Variants in FAR1 observed in about 807,000 individuals in gnomAD.
FAR1 encodes male sterility domain-containing protein 2.
A neutral mutation model predicts 61.1 loss-of-function variants in FAR1; 22 were observed. The observed-to-expected ratio is 0.36, with a 90% confidence interval of 0.26 to 0.51. The LOEUF (loss-of-function observed/expected upper bound fraction) is 0.51, where lower values mean the gene tolerates loss of function less well. Ranked by LOEUF, FAR1 falls within the 20% of genes least tolerant of loss-of-function variation. FAR1 has a pLI of 0.95. For missense variants in FAR1, 359 were observed against 626.9 expected, an observed-to-expected ratio of 0.57 and a Z score of 4.56; for synonymous variants, 206 against 209.7, an observed-to-expected ratio of 0.98 and a Z score of 0.15.
At chr11:13,694,703 A>G (rs1848289465) in intron 1 of FAR1, 56 bp from the exon 2 acceptor site, 2 of 1,396,872 alleles carry the variant, frequency 1.4e-6, no homozygotes, top group South Asian at 2.9e-5. Flanking sequence ...GATTTTTAGT[A>G]TGAAAGAATG....
At chr11:13,670,519 T>G (rs1241837001) in intron 1 of FAR1, among the ~76,000 whole-genome samples, 1 of 152,152 alleles carries the variant, frequency 6.6e-6, no homozygotes, top group African/African-American at 2.4e-5. Context: ...CTCGAACCCC[T>G]GACTTCAAGA....
chr11:13,728,468 C>A, intron 11 of FAR1, 144 bp from the exon 12 acceptor site: 2 of 685,870 alleles, frequency 2.9e-6, no homozygotes. Context: ...TCTGTTTTAC[C>A]TACAGTATAC....
intron 1 of FAR1, among the ~76,000 whole-genome samples, chr11:13,672,140 G>A (rs949697394): frequency 6.6e-5 from 10 of 152,256 alleles, no homozygotes; most frequent in Admixed American, 6.5e-5. Context: ...GTTTGGGCTG[G>A]TAGTTAATTG....
chr11:13,691,645 A>C (rs1456736588), intron 1 of FAR1, among the ~76,000 whole-genome samples: 1 of 152,128 alleles, frequency 6.6e-6, no homozygotes, highest in Non-Finnish European at 1.5e-5. Context: ...TTTGTGTCTG[A>C]CTTCTTTCAT....
At chr11:13,724,645 C>T (rs539503664) in intron 10 of FAR1, among the ~76,000 whole-genome samples, 1 of 150,258 alleles carries the variant, frequency 6.7e-6, no homozygotes, top group African/African-American at 2.5e-5. Context: ...TCTCTTCCCA[C>T]TTACTTTTTT....
rs1848693588 is a variant in FAR1, at chr11:13,728,959, CTG to C, written c.*189_*190del. Reference sequence around the variant, plus strand: ...ATGCTCATAAAACTTAGTGAACACACTGTGTTATGCCAGCTCAAATCTACAGT... The same window carrying C: ...ATGCTCATAAAACTTAGTGAACACACTGTTATGCCAGCTCAAATCTACAGT... On this transcript the variant is annotated 3_prime_UTR_variant, in exon 12 of 12. Transcript: ENST00000354817. The C allele has an allele frequency of 3.8e-6, 2 of 525,854 alleles. No homozygotes were observed. Among genetic ancestry groups the C allele is most frequent in the Non-Finnish European group, 3.3e-6 (1 of 302,818 alleles). 32.6% of individuals were successfully genotyped at this position (525,854 alleles called of 1,614,324 possible).
In FAR1 at chr11:13,721,526, T is replaced by C; in HGVS notation, c.1128-204T>C. On this transcript the variant is annotated intron_variant, in intron 9 of 11. Coordinates refer to ENST00000354817, the MANE Select transcript of FAR1 (RefSeq NM_032228.6). This position sits in a 1 kb window ranked among gnomAD's most constrained non-coding sequence, Gnocchi z 4.2. ...ATTTGCTGCTGCTTTCAAAAAAAAT[T>C]TGTTTTCCTTTTGGATTTATAAATT... 1 of 451,310 alleles carries C rather than the reference T, an allele frequency of 2.2e-6. No homozygotes were observed. The highest frequency in any genetic ancestry group is 3.9e-6 in the Non-Finnish European group (1 of 259,018). 28.0% of individuals were successfully genotyped at this position (451,310 alleles called of 1,614,324 possible).
rs1248328404 is a variant in FAR1, at chr11:13,732,108, G to A, written c.*3334G>A. 1.4e-5 allele frequency: 2 copies of A among 144,842 alleles called. No homozygotes were observed. Among genetic ancestry groups the A allele is most frequent in the Non-Finnish European group, 3.0e-5 (2 of 66,340 alleles). The allele number at this position is 144,842 out of a possible 1,614,324, so 9.0% of individuals were successfully genotyped here. ...CCACGTAACTGGATTACAGAAATGA[G>A]TTAATTGTCTCTGTGATAAAAAAAA... is the stretch of plus-strand genomic sequence containing the variant. On this transcript the variant is annotated 3_prime_UTR_variant, in exon 12 of 12. Transcript: ENST00000354817.
At chr11:13,708,447 G>A (rs78417559) in intron 4 of FAR1, among the ~76,000 whole-genome samples, 4,751 of 136,618 alleles carry the variant, frequency 0.035, 107 homozygotes, top group Non-Finnish European at 0.048. Context: ...GCGCGCGCGC[G>A]CACACACACA....
chr11:13,711,496 CCT>C (rs1848498389), intron 5 of FAR1, among the ~76,000 whole-genome samples: 1 of 151,890 alleles, frequency 6.6e-6, no homozygotes, highest in Non-Finnish European at 1.5e-5. Context: ...CAATATAAAC[CCT>C]CTTTTATAAA....
chr11:13,716,032 C>T (rs1389748740), intron 9 of FAR1, among the ~76,000 whole-genome samples: 1 of 152,104 alleles, frequency 6.6e-6, no homozygotes, highest in African/African-American at 2.4e-5. Flanking sequence ...AACTTTAGAG[C>T]AGGTAAAGAA....
chr11:13,711,064 G>C (rs914017656), intron 5 of FAR1, 194 bp downstream of exon 5: 9 of 525,098 alleles, frequency 1.7e-5, no homozygotes, highest in South Asian at 5.5e-5. Context: ...TGGGTATATA[G>C]AAATGTAGAT....
At chr11:13,718,763 A>T (rs796483030) in intron 9 of FAR1, among the ~76,000 whole-genome samples, 3 of 152,294 alleles carry the variant, frequency 2.0e-5, no homozygotes, top group African/African-American at 7.2e-5. Context: ...ATGGCTCAGG[A>T]TCTTTCAAAT....
At chr11:13,720,903 A>G (rs1022458721) in intron 9 of FAR1, 10 of 152,038 alleles carry the variant, frequency 6.6e-5, no homozygotes, top group Non-Finnish European at 1.3e-4. Flanking sequence ...TATTGTATAG[A>G]TGTTACTGCT....
intron 1 of FAR1, among the ~76,000 whole-genome samples, chr11:13,670,642 T>A (rs1396624844): frequency 1.3e-5 from 2 of 152,006 alleles, no homozygotes; most frequent in Non-Finnish European, 2.9e-5. Flanking sequence ...TTTTCTGGAG[T>A]TTGATTATGT....
intron 1 of FAR1, chr11:13,685,468 T>C (rs1222943327): frequency 1.9e-5 from 4 of 215,636 alleles, no homozygotes; most frequent in Non-Finnish European, 3.0e-5. Flanking sequence ...TGACATAGCA[T>C]AAGTATGTGT....
chr11:13,709,524 G>T (rs147141686), intron 4 of FAR1, among the ~76,000 whole-genome samples: 1 of 152,156 alleles, frequency 6.6e-6, no homozygotes, highest in East Asian at 1.9e-4. Flanking sequence ...AAGAAATCTA[G>T]CTAACATAAT....
Position 13,708,780 on chromosome 11 carries a change from T to G in FAR1, c.545+701T>G, listed in dbSNP as rs115185848. 2.2e-3 allele frequency among the ~76,000 whole-genome samples: 341 copies of G among 152,206 alleles called. 3 individuals carry two copies. The highest frequency in any genetic ancestry group is 0.014 in the Middle Eastern group (4 of 294). On this transcript the variant is annotated intron_variant, in intron 4 of 11. Coordinates refer to ENST00000354817, the MANE Select transcript of FAR1 (RefSeq NM_032228.6). ...ACCCCCCAGCCATGGAGTATATATA[T>G]AGAGGGGCCTTTAATTATTAGAGAA...
chr11:13,721,633 T>C lies in FAR1; in HGVS notation c.1128-97T>C. On this transcript the variant is annotated intron_variant, in intron 9 of 11. Coordinates refer to ENST00000354817, the MANE Select transcript of FAR1 (RefSeq NM_032228.6). The surrounding 1 kb of genome is among the most constrained non-coding windows in gnomAD (Gnocchi z 4.2). ...TTAAATGTTATAATTTTAATACTAA[T>C]GTCTATATTATAGGGGGAAACTTGC... 2 of 846,464 alleles carry C rather than the reference T, an allele frequency of 2.4e-6. No individual in the cohort carries two copies. The highest frequency in any genetic ancestry group is 3.6e-6 in the Non-Finnish European group (2 of 550,476). 52.4% of individuals were successfully genotyped at this position (846,464 alleles called of 1,614,324 possible). A position where few individuals can be genotyped will look rare whatever the true frequency, so the allele number is the denominator to read the frequency against.
Sources: allele counts gnomAD v4.1 joint callset (sites outside exome capture counted in the v4.1 genomes callset), GRCh38; gene constraint gnomAD v4.1.1; non-coding constraint Gnocchi (gnomAD v3.1); transcripts MANE v1.5; gene names NCBI Gene and HGNC (gene_info 2026-07-23, HGNC 2026-07-21).